FBN2: variants seen among roughly 807,000 people sequenced by gnomAD.
FBN2 encodes the protein fibrillin-2.
Under a neutral mutation model 355.6 loss-of-function variants are expected in FBN2, and 105 were observed. The ratio of observed to expected loss-of-function variants is 0.30; its 90% CI spans 0.25 to 0.35. The LOEUF (loss-of-function observed/expected upper bound fraction) is 0.35, where lower values mean the gene tolerates loss of function less well. Among genes scored for constraint, FBN2 ranks in the 10% least tolerant of loss-of-function variants. The pLI is 1.00. For missense variants in FBN2, 3,280 were observed against 3,758.7 expected, an observed-to-expected ratio of 0.87 and a Z score of 3.33; for synonymous variants, 1,350 against 1,301.2, an observed-to-expected ratio of 1.04 and a Z score of -0.81.
At chr5:128,265,655 T>C (rs1400564843) in intron 62 of FBN2, among the ~76,000 whole-genome samples, 1 of 152,208 alleles carries the variant, frequency 6.6e-6, no homozygotes, top group Non-Finnish European at 1.5e-5. Flanking sequence ...TTTTGAATAA[T>C]TGTATTTGAA....
chr5:128,361,013 A>G (rs1413839343), intron 19 of FBN2, among the ~76,000 whole-genome samples: 1 of 152,236 alleles, frequency 6.6e-6, no homozygotes, highest in Non-Finnish European at 1.5e-5. Flanking sequence ...TGAAATATAC[A>G]GTACTTTGAT....
rs780299993 is a variant in FBN2, at chr5:128,345,504, C to T, written c.3070G>A (p.Ala1024Thr). Residue 1024 changes from alanine to threonine, a missense_variant, in exon 24 of 65, where the codon GCC becomes ACC. Coordinates refer to ENST00000262464, the MANE Select transcript of FBN2 (RefSeq NM_001999.4). Reference protein sequence around the residue: ...HPVPGKFRMDACCCAVGAAWG... With the variant: ...HPVPGKFRMDTCCCAVGAAWG... ...GCCGCCCCGACAGCACAGCAGCAGG[C>T]ATCCATGCGGAACTTTCCAGGAACG... 2.5e-6 allele frequency: 4 copies of T among 1,614,226 alleles called. No individual in the cohort carries two copies. The South Asian group carries it at 3.3e-5, about 13-fold the overall frequency.
In FBN2 at chr5:128,487,522, A is replaced by T. The variant is rs530148565; in HGVS notation, c.629-22601T>A. Among the ~76,000 whole-genome samples, 3 of 152,316 alleles carry T rather than the reference A, an allele frequency of 2.0e-5. No individual in the cohort carries two copies. In the South Asian group the frequency reaches 6.2e-4, roughly 32 times the overall value. On this transcript the variant is annotated intron_variant, in intron 5 of 64. Coordinates refer to ENST00000262464, the MANE Select transcript of FBN2 (RefSeq NM_001999.4). Reference sequence around the variant, plus strand: ...TCTGTTTTCTTTGGGCACTTATCACAATACACATTTTTAAAATATATTTGT... The same window carrying T: ...TCTGTTTTCTTTGGGCACTTATCACTATACACATTTTTAAAATATATTTGT...
At position 128,446,743 on chromosome 5, in the gene FBN2, A is replaced by G. The variant is rs924140112; in HGVS notation, c.827-137T>C. ...TCAAGAGAGTGGGGTTAGAGAAGTA[A>G]AACACCTTTGTATGCATATGTTTTA... On this transcript the variant is annotated intron_variant, in intron 6 of 64. Coordinates refer to ENST00000262464, the MANE Select transcript of FBN2 (RefSeq NM_001999.4). 7.8e-6 allele frequency: 6 copies of G among 769,430 alleles called. No homozygotes were observed. In the African/African-American group the frequency reaches 8.8e-5, roughly 11 times the overall value. The allele number at this position is 769,430 out of a possible 1,614,324, so 47.7% of individuals were successfully genotyped here.
intron 20 of FBN2, among the ~76,000 whole-genome samples, chr5:128,354,655 G>A (rs544285696): frequency 1.3e-5 from 2 of 152,264 alleles, no homozygotes; most frequent in South Asian, 4.1e-4. Context: ...AACTTCAAGT[G>A]CAATCAATAG....
At chr5:128,358,677 C>G (rs1462526123) in intron 19 of FBN2, among the ~76,000 whole-genome samples, 1 of 151,908 alleles carries the variant, frequency 6.6e-6, no homozygotes, top group Admixed American at 6.6e-5. Flanking sequence ...ATGAAAACAT[C>G]AATCCGAGTA....
chr5:128,267,107 C>T (rs765580147), intron 62 of FBN2, among the ~76,000 whole-genome samples: 13 of 152,014 alleles, frequency 8.6e-5, no homozygotes, highest in African/African-American at 2.7e-4. Context: ...TAGTTTGCTG[C>T]GGATGATGAT....
chr5:128,300,352 A>G (rs907981599), intron 48 of FBN2, among the ~76,000 whole-genome samples: 1 of 152,246 alleles, frequency 6.6e-6, no homozygotes, highest in Non-Finnish European at 1.5e-5. Context: ...ACAGAAAAAC[A>G]TCTGTTATGA....
intron 5 of FBN2, among the ~76,000 whole-genome samples, chr5:128,517,016 C>T (rs1288302556): frequency 6.6e-6 from 1 of 152,092 alleles, no homozygotes; most frequent in Non-Finnish European, 1.5e-5. Flanking sequence ...TTTTAAGAAA[C>T]AAACCAACAT....
intron 5 of FBN2, among the ~76,000 whole-genome samples, chr5:128,479,930 GTCTCTCTCTC>G (rs1180726296): frequency 9.3e-4 from 54 of 58,120 alleles, no homozygotes; most frequent in Admixed American, 2.3e-3. Flanking sequence ...TTGTCTCCTT[GTCTCTCTCTC>G]TCTCTCTCTC....
chr5:128,336,325 G>A (rs991652008), intron 27 of FBN2, among the ~76,000 whole-genome samples: 3 of 152,290 alleles, frequency 2.0e-5, no homozygotes, highest in Non-Finnish European at 4.4e-5. Flanking sequence ...TGATGCAACT[G>A]CTCCCAAATC....
At chr5:128,399,753 T>C (rs1169100189) in intron 8 of FBN2, among the ~76,000 whole-genome samples, 1 of 152,004 alleles carries the variant, frequency 6.6e-6, no homozygotes, top group East Asian at 1.9e-4. Context: ...TACAGGTAAT[T>C]TTAAATATGC....
chr5:128,378,984 C>T (rs1561427191), intron 11 of FBN2, 94 bp from the exon 12 acceptor site: 1 of 1,369,938 alleles, frequency 7.3e-7, no homozygotes, highest in South Asian at 1.2e-5. Flanking sequence ...TGAGAGAAGG[C>T]CAGTCAGTGG....
chr5:128,448,069 T>C (rs1206639469), intron 6 of FBN2, among the ~76,000 whole-genome samples: 2 of 152,198 alleles, frequency 1.3e-5, no homozygotes, highest in Non-Finnish European at 2.9e-5. Context: ...CCACTACGTT[T>C]CTTTGTGGAA....
intron 7 of FBN2, among the ~76,000 whole-genome samples, chr5:128,412,280 C>A (rs1487571889): frequency 2.0e-5 from 3 of 152,198 alleles, no homozygotes; most frequent in African/African-American, 7.2e-5. Context: ...TGTATTTTGA[C>A]TTGAGCTGCC....
intron 45 of FBN2, among the ~76,000 whole-genome samples, chr5:128,304,672 T>G (rs144415439): frequency 1.3e-5 from 2 of 152,106 alleles, no homozygotes; most frequent in African/African-American, 4.8e-5. Context: ...CTCAGAGGGT[T>G]TTTTCTTGTC....
At chr5:128,353,780 C>T (rs948871080) in intron 20 of FBN2, among the ~76,000 whole-genome samples, 2 of 152,146 alleles carry the variant, frequency 1.3e-5, no homozygotes, top group Non-Finnish European at 2.9e-5. Flanking sequence ...CAGAGGTCAA[C>T]CAATTTACCC....
chr5:128,371,780 G>A (rs112803732), intron 15 of FBN2, among the ~76,000 whole-genome samples: 4 of 152,094 alleles, frequency 2.6e-5, no homozygotes, highest in African/African-American at 9.7e-5. Context: ...TGATCCACCT[G>A]CCTTGGCCTC....
At chr5:128,356,271 G>T (rs1285790571) in intron 20 of FBN2, among the ~76,000 whole-genome samples, 1 of 152,178 alleles carries the variant, frequency 6.6e-6, no homozygotes, top group African/African-American at 2.4e-5. Context: ...CGAGGAGTTG[G>T]TGTTTCCAAA....
Sources: allele counts gnomAD v4.1 joint callset (sites outside exome capture counted in the v4.1 genomes callset), GRCh38; gene constraint gnomAD v4.1.1; transcripts MANE v1.5; gene names NCBI Gene and HGNC (gene_info 2026-07-23, HGNC 2026-07-21).